The following SNX10 variants were observed in gnomAD, a reference collection of about 807,000 sequenced individuals.
The protein encoded by SNX10 is sorting nexin 10.
Under a neutral mutation model 28.5 loss-of-function variants are expected in SNX10, and 25 were observed. The observed-to-expected ratio is 0.88, with a 90% confidence interval of 0.64 to 1.22. SNX10 has a LOEUF of 1.22. SNX10 is among the 50% of genes most tolerant of loss of function. The pLI is 0.00. For missense variants in SNX10, 223 were observed against 242.6 expected (o/e 0.92, Z 0.54); for synonymous variants, 62 against 81.4 (o/e 0.76, Z 1.28).
chr7:26,302,490 A>G (rs1243937692), intron 1 of SNX10, among the ~76,000 whole-genome samples: 1 of 152,146 alleles, frequency 6.6e-6, no homozygotes, highest in East Asian at 1.9e-4. Flanking sequence ...GTGTGCAGCA[A>G]GCCTCCTCTT....
intron 1 of SNX10, among the ~76,000 whole-genome samples, chr7:26,307,219 A>G (rs757101551): frequency 6.6e-6 from 1 of 152,068 alleles, no homozygotes; most frequent in African/African-American, 2.4e-5. Flanking sequence ...TCCTTTCCTT[A>G]TCTCAGCCCC....
At chr7:26,301,019 C>A (rs2562789) in intron 1 of SNX10, among the ~76,000 whole-genome samples, 3,436 of 9,910 alleles carry the variant, frequency 0.35, 737 homozygotes, top group Middle Eastern at 0.58. Context: ...ACTCTGTCTC[C>A]AAAAAAAAAA....
At chr7:26,337,284 ATT>A (rs1179022789) in intron 1 of SNX10, among the ~76,000 whole-genome samples, 1 of 152,092 alleles carries the variant, frequency 6.6e-6, no homozygotes, top group African/African-American at 2.4e-5. Flanking sequence ...CATTTTTATT[ATT>A]TTTTTCACAT....
chr7:26,295,062 T>C (rs1209588607), intron 1 of SNX10, among the ~76,000 whole-genome samples: 2 of 152,246 alleles, frequency 1.3e-5, no homozygotes, highest in African/African-American at 4.8e-5. Flanking sequence ...CTACAAGTGA[T>C]TCAACTTTAC....
chr7:26,360,172 G>A (rs373575839), intron 2 of SNX10, among the ~76,000 whole-genome samples: 14 of 152,092 alleles, frequency 9.2e-5, no homozygotes, highest in Admixed American at 4.6e-4. Flanking sequence ...AGTTATTATC[G>A]CTTATTCTCA....
At chr7:26,305,325 A>G (rs1786541529) in intron 1 of SNX10, among the ~76,000 whole-genome samples, 1 of 152,232 alleles carries the variant, frequency 6.6e-6, no homozygotes. Context: ...AACGGGCTTT[A>G]TATGTAGGGA....
intron 1 of SNX10, among the ~76,000 whole-genome samples, chr7:26,304,245 G>A (rs1421429784): frequency 6.6e-6 from 1 of 152,130 alleles, no homozygotes; most frequent in African/African-American, 2.4e-5. Context: ...CCATTTGTTT[G>A]TTTAGACCAG....
intron 1 of SNX10, among the ~76,000 whole-genome samples, chr7:26,331,638 T>G (rs1787751900): frequency 1.3e-5 from 2 of 152,112 alleles, no homozygotes; most frequent in African/African-American, 4.8e-5. Flanking sequence ...AGCTCACTGG[T>G]GTTTGGTATA....
At chr7:26,338,691 A>G (rs1447288566) in intron 1 of SNX10, among the ~76,000 whole-genome samples, 1 of 152,090 alleles carries the variant, frequency 6.6e-6, no homozygotes, top group Non-Finnish European at 1.5e-5. Context: ...GGTGTGAGCC[A>G]CTGGGCCCGG....
chr7:26,364,235 G>T lies in SNX10; in HGVS notation c.112-300G>T, dbSNP rs1789202022. On this transcript the variant is annotated intron_variant, in intron 3 of 6. Transcript: ENST00000338523. The surrounding 1 kb of genome is among the most constrained non-coding windows in gnomAD (Gnocchi z 4.9). ...TTATATGTTAGGATTTATTTTTTAT[G>T]ATTTATTCTTGAAAGCAGTGCTCAT... is the stretch of plus-strand genomic sequence containing the variant. 1 of 677,098 alleles carries T rather than the reference G, an allele frequency of 1.5e-6. No individual in the cohort carries two copies. The highest frequency in any genetic ancestry group is 1.9e-5 in the African/African-American group (1 of 52,696). The allele number at this position is 677,098 out of a possible 1,614,324, so 41.9% of individuals were successfully genotyped here.
intron 1 of SNX10, among the ~76,000 whole-genome samples, chr7:26,315,002 A>AAACAAAACAAAACAT (rs1227188285): frequency 1.7e-4 from 26 of 151,934 alleles, no homozygotes; most frequent in South Asian, 6.2e-4. Flanking sequence ...TCTCAAAACA[A>AAACAAAACAAAACAT]AACAAAAAAA....
At chr7:26,333,742 A>C (rs949727786) in intron 1 of SNX10, among the ~76,000 whole-genome samples, 1 of 152,174 alleles carries the variant, frequency 6.6e-6, no homozygotes, top group African/African-American at 2.4e-5. Context: ...TTTTGTTGGC[A>C]GGAGAGAGGG....
intron 1 of SNX10, among the ~76,000 whole-genome samples, chr7:26,304,600 A>T (rs1024439401): frequency 6.6e-5 from 10 of 152,114 alleles, no homozygotes; most frequent in Non-Finnish European, 1.5e-4. Context: ...CCTTGAAAGA[A>T]GTGGGGGTGT....
intron 1 of SNX10, among the ~76,000 whole-genome samples, chr7:26,298,830 C>T (rs1200063184): frequency 6.6e-6 from 1 of 152,196 alleles, no homozygotes; most frequent in East Asian, 1.9e-4. Context: ...CTTCGTGCTG[C>T]GTCCTCACAT....
intron 1 of SNX10, among the ~76,000 whole-genome samples, chr7:26,300,014 C>A (rs1253977044): frequency 6.6e-6 from 1 of 151,960 alleles, no homozygotes; most frequent in Non-Finnish European, 1.5e-5. Flanking sequence ...AGTTCAAGAC[C>A]AGGCTGGCCA....
intron 1 of SNX10, among the ~76,000 whole-genome samples, chr7:26,310,736 C>T (rs1337207800): frequency 6.6e-6 from 1 of 150,822 alleles, no homozygotes; most frequent in East Asian, 2.0e-4. Context: ...GGCTGGAGTG[C>T]AGTGGCGCCA....
At chr7:26,305,044 C>T (rs755666435) in intron 1 of SNX10, among the ~76,000 whole-genome samples, 59 of 152,216 alleles carry the variant, frequency 3.9e-4, no homozygotes, top group South Asian at 8.3e-4. Context: ...GTGTCAGCCC[C>T]GACACAAACT....
chr7:26,334,455 G>A (rs35630527), intron 1 of SNX10, among the ~76,000 whole-genome samples: 6 of 152,150 alleles, frequency 3.9e-5, no homozygotes, highest in African/African-American at 1.4e-4. Flanking sequence ...AGTACAAAGG[G>A]AGGTGGAGGT....
chr7:26,329,306 T>A (rs1057370665), intron 1 of SNX10, among the ~76,000 whole-genome samples: 1 of 152,200 alleles, frequency 6.6e-6, no homozygotes, highest in Non-Finnish European at 1.5e-5. Flanking sequence ...TGCCCACTCT[T>A]CCCGCAGTGT....
Sources: gnomAD v4.1 joint callset for allele counts (sites outside exome capture counted in the v4.1 genomes callset) on GRCh38, gnomAD v4.1.1 for gene constraint, Gnocchi (gnomAD v3.1) non-coding constraint, MANE v1.5 for transcripts, NCBI Gene and HGNC (gene_info 2026-07-23, HGNC 2026-07-21) for gene names.